MARCHF1: variants seen among roughly 807,000 people sequenced by gnomAD.
The protein encoded by MARCHF1 is E3 ubiquitin-protein ligase MARCHF1.
In MARCHF1, 40 loss-of-function variants were observed where a neutral mutation model predicts 54.2. The observed-to-expected ratio is 0.74, with a 90% CI of 0.57 to 0.96. The LOEUF (loss-of-function observed/expected upper bound fraction) is 0.96. Ranked by LOEUF, MARCHF1 falls within the 40% of genes least tolerant of loss-of-function variation. The pLI, the probability that MARCHF1 is intolerant of heterozygous loss-of-function variation, is 0.00. For synonymous variants in MARCHF1, 236 were observed against 236.3 expected, an observed-to-expected ratio of 1.00 and a Z score of 0.01; for missense variants, 586 against 656.5, an observed-to-expected ratio of 0.89 and a Z score of 1.17.
intron 5 of MARCHF1, among the ~76,000 whole-genome samples, chr4:163,690,657 G>A (rs1744417105): frequency 2.0e-5 from 3 of 152,108 alleles, no homozygotes; most frequent in African/African-American, 7.2e-5. Flanking sequence ...ACAATTTAAG[G>A]ACCATATTAC....
intron 3 of MARCHF1, among the ~76,000 whole-genome samples, chr4:163,861,146 C>T (rs1749920802): frequency 6.6e-6 from 1 of 151,986 alleles, no homozygotes; most frequent in African/African-American, 2.4e-5. Context: ...GGCTAGAAAC[C>T]AAAACATTGT....
At chr4:164,277,294 T>C (rs1247666476) in intron 1 of MARCHF1, among the ~76,000 whole-genome samples, 3 of 152,200 alleles carry the variant, frequency 2.0e-5, no homozygotes, top group African/African-American at 7.2e-5. Flanking sequence ...AGTGGGCATG[T>C]AATGAATATT....
chr4:163,887,043 T>C (rs1228042304), intron 3 of MARCHF1, among the ~76,000 whole-genome samples: 1 of 152,124 alleles, frequency 6.6e-6, no homozygotes, highest in Non-Finnish European at 1.5e-5. Flanking sequence ...TGTAAGCTTA[T>C]TATTTAATCA....
At chr4:163,851,732 C>T (rs1749647062) in intron 4 of MARCHF1, among the ~76,000 whole-genome samples, 1 of 152,196 alleles carries the variant, frequency 6.6e-6, no homozygotes, top group Non-Finnish European at 1.5e-5. Flanking sequence ...CCTTGCAACT[C>T]AGTTGGGCCT....
At chr4:163,922,018 A>T (rs1268501622) in intron 3 of MARCHF1, among the ~76,000 whole-genome samples, 1 of 152,206 alleles carries the variant, frequency 6.6e-6, no homozygotes, top group Non-Finnish European at 1.5e-5. Flanking sequence ...GCACATACAC[A>T]CCATTAAATA....
chr4:163,639,261 T>C (rs1435172080), intron 5 of MARCHF1, among the ~76,000 whole-genome samples: 1 of 152,128 alleles, frequency 6.6e-6, no homozygotes, highest in African/African-American at 2.4e-5. Context: ...GAAACCATAA[T>C]CCATATCAGG....
intron 1 of MARCHF1, among the ~76,000 whole-genome samples, chr4:164,208,188 A>C (rs1483165683): frequency 3.3e-5 from 5 of 152,158 alleles, no homozygotes; most frequent in Non-Finnish European, 5.9e-5. Context: ...CTGGAGAGGC[A>C]GGGAGGGGCC....
intron 1 of MARCHF1, among the ~76,000 whole-genome samples, chr4:164,222,191 G>T (rs1365496738): frequency 6.7e-6 from 1 of 150,234 alleles, no homozygotes; most frequent in African/African-American, 2.4e-5. Flanking sequence ...TGTCATTTTA[G>T]TATAAAAACA....
intron 1 of MARCHF1, among the ~76,000 whole-genome samples, chr4:164,240,436 C>G (rs1319861634): frequency 2.6e-5 from 4 of 152,182 alleles, no homozygotes; most frequent in Non-Finnish European, 5.9e-5. Context: ...CTCCTCATTC[C>G]TCATCTTGCT....
chr4:164,288,304 T>C (rs901700476), intron 1 of MARCHF1, among the ~76,000 whole-genome samples: 1 of 152,156 alleles, frequency 6.6e-6, no homozygotes, highest in Non-Finnish European at 1.5e-5. Context: ...AATTGTGATC[T>C]TGAAATTAAT....
At chr4:163,702,847 C>T (rs1474801783) in intron 4 of MARCHF1, among the ~76,000 whole-genome samples, 1 of 152,088 alleles carries the variant, frequency 6.6e-6, no homozygotes, top group Non-Finnish European at 1.5e-5. Context: ...AACCTTTTTG[C>T]CACGGCTACG....
rs564913298 is a variant in MARCHF1 at position 163,731,376 on chromosome 4, A to G, written c.112-30513T>C. 9.2e-5 allele frequency among the ~76,000 whole-genome samples: 14 copies of G among 152,336 alleles called. No individual in the cohort carries two copies. The South Asian group carries it at 2.9e-3, about 32-fold the overall frequency. On this transcript the variant is annotated intron_variant, in intron 4 of 9. Coordinates refer to ENST00000514618, the MANE Select transcript of MARCHF1 (RefSeq NM_001394959.1). Reference sequence around the variant, plus strand: ...TGAAAAAAACAACAAAATATAAGACACAATGGCTCTCAAGACAGTGTTCTA... The same window carrying G: ...TGAAAAAAACAACAAAATATAAGACGCAATGGCTCTCAAGACAGTGTTCTA...
At position 163,894,635 on chromosome 4, in the gene MARCHF1, TATATATGCATGTGATGC is replaced by T. The variant is rs1750741954; in HGVS notation, c.-38-40483_-38-40467del. ...TATATATATGCATGTGATGCATATATATATATGCATGTGATGCATATATATGCATGTGATGCATATAT... is the reference window on the plus strand; with the variant it reads ...TATATATATGCATGTGATGCATATATATATATATGCATGTGATGCATATAT... On this transcript the variant is annotated intron_variant, in intron 3 of 9. Transcript: ENST00000514618. 3.3e-5 allele frequency among the ~76,000 whole-genome samples: 4 copies of T among 121,994 alleles called. 2 individuals are homozygous for T. The highest frequency in any genetic ancestry group is 5.9e-5 in the African/African-American group (2 of 34,038). 80.0% of individuals were successfully genotyped at this position (121,994 alleles called of 152,430 possible).
rs186811223 is a variant in MARCHF1, at chr4:163,563,743, A to G, written c.1192-18000T>C. Among the ~76,000 whole-genome samples the G allele has an allele frequency of 5.1e-4, 77 of 152,356 alleles. No individual in the cohort carries two copies. The East Asian group carries it at 0.012, about 24-fold the overall frequency. On this transcript the variant is annotated intron_variant, in intron 8 of 9. Transcript: ENST00000514618. ...TCAGCAGGATTAAATGGGGCTACGTATGTAACAATGCACATACCACAATGC... is the reference window on the plus strand; with the variant it reads ...TCAGCAGGATTAAATGGGGCTACGTGTGTAACAATGCACATACCACAATGC...
chr4:164,166,088 C>T (rs1409618112), intron 1 of MARCHF1, among the ~76,000 whole-genome samples: 1 of 151,930 alleles, frequency 6.6e-6, no homozygotes, highest in African/African-American at 2.4e-5. Context: ...CAGCTTTTAA[C>T]AAGACACACT....
chr4:163,736,745 A>G (rs1168587990), intron 4 of MARCHF1, among the ~76,000 whole-genome samples: 1 of 152,198 alleles, frequency 6.6e-6, no homozygotes, highest in Non-Finnish European at 1.5e-5. Context: ...CGTCTAAGAA[A>G]TATAATAAAA....
chr4:163,951,607 A>G (rs1279616147), intron 3 of MARCHF1, among the ~76,000 whole-genome samples: 1 of 152,214 alleles, frequency 6.6e-6, no homozygotes, highest in African/African-American at 2.4e-5. Flanking sequence ...AGAAGGAGAA[A>G]TATCAGAAAG....
At chr4:163,930,562 T>A (rs1751649684) in intron 3 of MARCHF1, among the ~76,000 whole-genome samples, 1 of 151,778 alleles carries the variant, frequency 6.6e-6, no homozygotes, top group Non-Finnish European at 1.5e-5. Context: ...CAGTCAAACT[T>A]CATTCTAAAC....
intron 4 of MARCHF1, among the ~76,000 whole-genome samples, chr4:163,759,635 C>A (rs1234146169): frequency 6.6e-6 from 1 of 152,148 alleles, no homozygotes; most frequent in Non-Finnish European, 1.5e-5. Context: ...ATGAACTTGG[C>A]ATAATCAAAG....
Sources: allele counts gnomAD v4.1 joint callset (sites outside exome capture counted in the v4.1 genomes callset), GRCh38; gene constraint gnomAD v4.1.1; transcripts MANE v1.5; gene names NCBI Gene and HGNC (gene_info 2026-07-23, HGNC 2026-07-21).